WDPCP: variants seen among roughly 807,000 people sequenced by gnomAD.
The protein encoded by WDPCP is WD repeat containing planar cell polarity effector.
In WDPCP, 71 loss-of-function variants were observed where a neutral mutation model predicts 93.1. The ratio of observed to expected loss-of-function variants is 0.76; its 90% CI spans 0.63 to 0.93. WDPCP has a LOEUF of 0.93. WDPCP is among the 40% of genes least tolerant of loss of function. WDPCP has a pLI of 0.00. For synonymous variants in WDPCP, 315 were observed against 315.0 expected (o/e 1.00, Z 0.00); for missense variants, 844 against 887.4 (o/e 0.95, Z 0.62).
At chr2:63,527,401 G>C (rs1000669962) in intron 1 of WDPCP, among the ~76,000 whole-genome samples, 5 of 125,204 alleles carry the variant, frequency 4.0e-5, no homozygotes, top group African/African-American at 1.6e-4. Context: ...CCTGGTGTCT[G>C]ATGTTCCCCT....
intron 13 of WDPCP, among the ~76,000 whole-genome samples, chr2:63,265,340 A>G (rs1682009769): frequency 1.3e-5 from 2 of 152,164 alleles, no homozygotes. Flanking sequence ...AAGAGGAGAC[A>G]TTATAACTGT....
intron 2 of WDPCP, among the ~76,000 whole-genome samples, chr2:63,663,231 C>G (rs1710247533): frequency 6.6e-6 from 1 of 152,192 alleles, no homozygotes; most frequent in Non-Finnish European, 1.5e-5. Context: ...GCCCCTTGCC[C>G]TCTGCTACTG....
At chr2:63,491,214 TC>T (rs990297082) in intron 2 of WDPCP, among the ~76,000 whole-genome samples, 48 of 152,278 alleles carry the variant, frequency 3.2e-4, no homozygotes, top group African/African-American at 1.1e-3. Context: ...TGTACTTTTT[TC>T]CCCCCTTCCT....
At chr2:63,664,972 G>A (rs1236590851) in intron 2 of WDPCP, among the ~76,000 whole-genome samples, 2 of 152,200 alleles carry the variant, frequency 1.3e-5, no homozygotes, top group African/African-American at 2.4e-5. Context: ...TGGAGAGGAT[G>A]AAGATGGCAT....
rs964218418 is a variant in WDPCP at position 63,594,206 on chromosome 2, C to A, written n.488+56453G>T. On this transcript the variant is annotated intron_variant and non_coding_transcript_variant, in intron 3 of 4. Coordinates refer to the WDPCP transcript ENST00000467687. ...TTGGATCACCACATACTGAACACATCAACATTGTTGAGCCTATTTTAGTGG... is the reference window on the plus strand; with the variant it reads ...TTGGATCACCACATACTGAACACATAAACATTGTTGAGCCTATTTTAGTGG... 5.6e-6 allele frequency: 3 copies of A among 538,208 alleles called. No individual in the cohort carries two copies. In the African/African-American group the frequency reaches 5.7e-5, roughly 10 times the overall value. The allele number at this position is 538,208 out of a possible 1,614,324, so 33.3% of individuals were successfully genotyped here.
At chr2:63,457,285 C>G (rs570820256) in intron 6 of WDPCP, among the ~76,000 whole-genome samples, 1 of 151,484 alleles carries the variant, frequency 6.6e-6, no homozygotes. Context: ...CAGGAAGAAA[C>G]AGAAAACCTG....
At chr2:63,262,218 T>G (rs571674411) in intron 13 of WDPCP, among the ~76,000 whole-genome samples, 54 of 152,290 alleles carry the variant, frequency 3.5e-4, no homozygotes, top group African/African-American at 1.2e-3. Flanking sequence ...TGTTCTTTGA[T>G]AAACTTTGTA....
chr2:63,271,799 C>T (rs527736653), intron 13 of WDPCP, among the ~76,000 whole-genome samples: 1 of 152,264 alleles, frequency 6.6e-6, no homozygotes, highest in African/African-American at 2.4e-5. Context: ...ATCAGGCCCA[C>T]CCCGCCTGCT....
At chr2:63,152,836 G>T in intron 17 of WDPCP, 78 bp downstream of exon 17, 1 of 1,373,892 alleles carries the variant, frequency 7.3e-7, no homozygotes, top group South Asian at 1.2e-5. Flanking sequence ...AGCATTTCTT[G>T]AGTTCAAAAT....
At chr2:63,216,317 A>T (rs571341214) in intron 14 of WDPCP, among the ~76,000 whole-genome samples, 11 of 152,336 alleles carry the variant, frequency 7.2e-5, no homozygotes, top group African/African-American at 2.4e-4. Flanking sequence ...CAAATGTCCA[A>T]CAATGATAGA....
At chr2:63,644,068 G>C (rs2106634509) in intron 3 of WDPCP, 1 of 365,658 alleles carries the variant, frequency 2.7e-6, no homozygotes, top group South Asian at 2.1e-5. Context: ...CATAGAAAGA[G>C]TGATGAATGA....
intron 2 of WDPCP, among the ~76,000 whole-genome samples, chr2:63,780,744 C>T (rs532779249): frequency 6.6e-6 from 1 of 152,252 alleles, no homozygotes; most frequent in African/African-American, 2.4e-5. Flanking sequence ...TGTTTCCTAG[C>T]AGTGATGGAT....
chr2:63,223,090 T>C (rs906820515), intron 14 of WDPCP, among the ~76,000 whole-genome samples: 8 of 152,126 alleles, frequency 5.3e-5, no homozygotes, highest in African/African-American at 1.9e-4. Flanking sequence ...AATATGACTG[T>C]ATCAGTACTA....
intron 14 of WDPCP, among the ~76,000 whole-genome samples, chr2:63,244,150 A>G (rs1412866077): frequency 6.6e-6 from 1 of 152,216 alleles, no homozygotes; most frequent in Non-Finnish European, 1.5e-5. Flanking sequence ...TTAAGGCAGA[A>G]ATCAAATAAT....
intron 2 of WDPCP, among the ~76,000 whole-genome samples, chr2:63,768,318 A>AT (rs2103937326): frequency 6.7e-6 from 1 of 150,312 alleles, no homozygotes; most frequent in Admixed American, 6.6e-5. Context: ...GTCAGACAGT[A>AT]TAAGTGTGCC....
At chr2:63,291,980 A>T (rs548163304) in intron 13 of WDPCP, among the ~76,000 whole-genome samples, 1 of 151,692 alleles carries the variant, frequency 6.6e-6, no homozygotes, top group South Asian at 2.1e-4. Context: ...AAAAATACAA[A>T]AAATTAGCCG....
At chr2:63,603,657 T>A (rs1298636654) in intron 3 of WDPCP, among the ~76,000 whole-genome samples, 16 of 42,844 alleles carry the variant, frequency 3.7e-4, no homozygotes, top group Non-Finnish European at 3.9e-4. Context: ...AGACATTTCT[T>A]TTTTTTTTTT....
At chr2:63,129,175 T>C (rs1352805617) in intron 17 of WDPCP, among the ~76,000 whole-genome samples, 2 of 152,256 alleles carry the variant, frequency 1.3e-5, no homozygotes, top group Non-Finnish European at 2.9e-5. Context: ...TATTCATTAA[T>C]CTGTCAGTGG....
chr2:63,341,679 T>G (rs1360539052), intron 12 of WDPCP, among the ~76,000 whole-genome samples: 1 of 152,212 alleles, frequency 6.6e-6, no homozygotes, highest in Non-Finnish European at 1.5e-5. Flanking sequence ...TTCCCTTCAA[T>G]TGCATCAATG....
Sources: allele counts gnomAD v4.1 joint callset (sites outside exome capture counted in the v4.1 genomes callset), GRCh38; gene constraint gnomAD v4.1.1; transcripts MANE v1.5; gene names NCBI Gene and HGNC (gene_info 2026-07-23, HGNC 2026-07-21).